The following AHCYL1 variants were observed in gnomAD, a reference collection of about 807,000 sequenced individuals.
AHCYL1 encodes S-adenosylhomocysteine hydrolase-like protein 1.
AHCYL1 carries 20 observed loss-of-function variants against 79.3 expected under a neutral mutation model. The observed-to-expected ratio is 0.25, with a 90% CI of 0.18 to 0.37. AHCYL1 has a LOEUF of 0.37. Among genes scored for constraint, AHCYL1 ranks in the 10% least tolerant of loss-of-function variants. The pLI is 1.00. For missense variants in AHCYL1, 330 were observed against 673.6 expected, an observed-to-expected ratio of 0.49 and a Z score of 5.65; for synonymous variants, 223 against 242.2, an observed-to-expected ratio of 0.92 and a Z score of 0.74.
chr1:109,998,116 C>T (rs2101704028), intron 1 of AHCYL1, among the ~76,000 whole-genome samples: 1 of 152,316 alleles, frequency 6.6e-6, no homozygotes, highest in Middle Eastern at 3.4e-3. Context: ...TGCATTAAAG[C>T]TGAGGCTGCC....
intron 4 of AHCYL1, 99 bp from the exon 5 acceptor site, chr1:110,012,798 G>T: frequency 1.2e-6 from 1 of 830,442 alleles, no homozygotes; most frequent in Non-Finnish European, 1.8e-6. Context: ...AGCACCTGTT[G>T]GTGCAGAGTT....
intron 1 of AHCYL1, among the ~76,000 whole-genome samples, chr1:109,994,162 C>T (rs1649903875): frequency 6.6e-6 from 1 of 152,188 alleles, no homozygotes; most frequent in South Asian, 2.1e-4. Context: ...AGCTCAGGCT[C>T]TAGTTGGCAC....
At chr1:109,987,049 A>G (rs1649505912) in intron 1 of AHCYL1, among the ~76,000 whole-genome samples, 1 of 152,162 alleles carries the variant, frequency 6.6e-6, no homozygotes, top group Non-Finnish European at 1.5e-5. Context: ...TTAAGTTTCC[A>G]TTTACCAGTA....
chr1:109,994,565 A>C (rs1649930482), intron 1 of AHCYL1, among the ~76,000 whole-genome samples: 1 of 152,234 alleles, frequency 6.6e-6, no homozygotes, highest in Non-Finnish European at 1.5e-5. Context: ...TTGGGATTAC[A>C]GGCATGAGCC....
rs442976 is a variant in AHCYL1 at position 110,022,687 on chromosome 1, G to T, written c.*1007G>T. 1 of 152,600 alleles carries T rather than the reference G, an allele frequency of 6.6e-6. No homozygotes were observed. Among genetic ancestry groups the T allele is most frequent in the Admixed American group, 6.5e-5 (1 of 15,280 alleles). 9.5% of individuals were successfully genotyped at this position (152,600 alleles called of 1,614,324 possible). A position where few individuals can be genotyped will look rare whatever the true frequency, so the allele number is the denominator to read the frequency against. On this transcript the variant is annotated 3_prime_UTR_variant, in exon 17 of 17. Transcript: ENST00000369799. ...TTCTATCTTTAGGATTTATCTTTAA[G>T]AGCAAATTTCTGGTCAGCTGTGCTT...
intron 15 of AHCYL1, 107 bp from the exon 16 acceptor site, chr1:110,020,624 C>A: frequency 7.3e-7 from 1 of 1,366,820 alleles, no homozygotes; most frequent in Non-Finnish European, 9.9e-7. Context: ...AGAGTTATTC[C>A]ATCCCTTGTC....
chr1:110,004,137 G>A, intron 1 of AHCYL1: 2 of 985,496 alleles, frequency 2.0e-6, no homozygotes, highest in East Asian at 1.1e-4. Flanking sequence ...TATTGCTTCT[G>A]ACTGTGGAAT....
At chr1:109,988,213 G>T (rs1048791117) in intron 1 of AHCYL1, among the ~76,000 whole-genome samples, 1 of 151,552 alleles carries the variant, frequency 6.6e-6, no homozygotes, top group Non-Finnish European at 1.5e-5. Context: ...TCAAGGGGAC[G>T]ACTTTTCCTG....
At chr1:110,020,417 A>T (rs1192099082) in intron 15 of AHCYL1, among the ~76,000 whole-genome samples, 1 of 152,106 alleles carries the variant, frequency 6.6e-6, no homozygotes, top group Non-Finnish European at 1.5e-5. Flanking sequence ...GTAGCATGTG[A>T]CATGTGGGCC....
intron 1 of AHCYL1, among the ~76,000 whole-genome samples, chr1:110,003,285 C>A (rs1034941489): frequency 6.6e-6 from 1 of 151,960 alleles, no homozygotes; most frequent in African/African-American, 2.4e-5. Flanking sequence ...TGGTAATGTT[C>A]ATGTTTGCAA....
Position 110,012,438 on chromosome 1 carries a change from T to C in AHCYL1, c.453T>C (p.Cys151=). 1.2e-6 allele frequency: 2 copies of C among 1,612,618 alleles called. No homozygotes were observed. The highest frequency in any genetic ancestry group is 8.5e-7 in the Non-Finnish European group (1 of 1,179,370). The change falls in exon 4 of 17, where the codon TGT becomes TGC. Residue 151 remains cysteine, a synonymous_variant. Transcript: ENST00000369799. The part of the protein sequence containing the change: ...KPLAGAKIVG[C]THITAQTAVL... ...TGGCTGGTGCTAAAATAGTGGGCTG[T>C]ACACACATCACAGCCCAGACAGCGG...
chr1:109,997,556 C>T (rs1052259284), intron 1 of AHCYL1, among the ~76,000 whole-genome samples: 2 of 152,084 alleles, frequency 1.3e-5, no homozygotes, highest in African/African-American at 4.8e-5. Context: ...GGATAAAAAG[C>T]GGGACGGCAG....
chr1:110,021,542 C>G (rs907634286), intron 16 of AHCYL1, 132 bp from the exon 17 acceptor site: 2 of 739,428 alleles, frequency 2.7e-6, no homozygotes, highest in South Asian at 3.8e-5. Flanking sequence ...AGACTGGTGC[C>G]CTGGGGAATG....
Position 110,017,942 on chromosome 1 carries a change from C to A in AHCYL1, c.1053-4C>A. On this transcript the variant is annotated splice_region_variant and splice_polypyrimidine_tract_variant and intron_variant, in intron 10 of 16. Coordinates refer to ENST00000369799, the MANE Select transcript of AHCYL1 (RefSeq NM_006621.7). ...ACTCATAGTGTTCCTTTCTTTTCTT[C>A]CAGCATGGATGGGTTCAGGGTGGTA... 6.2e-7 allele frequency: 1 copy of A among 1,614,090 alleles called. No individual in the cohort carries two copies. The highest frequency in any genetic ancestry group is 8.5e-7 in the Non-Finnish European group (1 of 1,179,948).
chr1:110,014,917 A>G (rs1651307226), intron 6 of AHCYL1, 60 bp downstream of exon 6: 1 of 1,480,910 alleles, frequency 6.8e-7, no homozygotes, highest in Non-Finnish European at 9.4e-7. Context: ...TTTTCCCTCA[A>G]AGCATGGTTC....
Position 109,984,923 on chromosome 1 carries a change from G to T in AHCYL1, c.-130G>T. 1.5e-6 allele frequency: 2 copies of T among 1,307,728 alleles called. No individual in the cohort carries two copies. The highest frequency in any genetic ancestry group is 3.3e-5 in the East Asian group (1 of 30,508). 81.0% of individuals were successfully genotyped at this position (1,307,728 alleles called of 1,614,324 possible). A position where few individuals can be genotyped will look rare whatever the true frequency, so the allele number is the denominator to read the frequency against. On this transcript the variant is annotated 5_prime_UTR_variant, in exon 1 of 17. Transcript: ENST00000369799. ...CCACAGCACCTCAGAAGCCGACGCA[G>T]CTCGACGCAGGGGCCGGCAGGAGGG...
intron 1 of AHCYL1, chr1:109,985,391 C>A (rs773318325): frequency 7.0e-6 from 9 of 1,285,206 alleles, no homozygotes; most frequent in Non-Finnish European, 8.9e-6. Context: ...CCTCCGGGAT[C>A]GTTTTGAAAC....
At chr1:110,020,404 G>A (rs992482824) in intron 15 of AHCYL1, among the ~76,000 whole-genome samples, 5 of 152,136 alleles carry the variant, frequency 3.3e-5, no homozygotes, top group African/African-American at 9.7e-5. Flanking sequence ...CAGGAAGGTA[G>A]GAGTAGCATG....
At chr1:109,996,101 G>A (rs1297380868) in intron 1 of AHCYL1, among the ~76,000 whole-genome samples, 1 of 152,190 alleles carries the variant, frequency 6.6e-6, no homozygotes, top group Non-Finnish European at 1.5e-5. Context: ...CAGCTACACA[G>A]AAGGCTGAGG....
Sources: gnomAD v4.1 joint callset for allele counts (sites outside exome capture counted in the v4.1 genomes callset) on GRCh38, gnomAD v4.1.1 for gene constraint, MANE v1.5 for transcripts, NCBI Gene and HGNC (gene_info 2026-07-23, HGNC 2026-07-21) for gene names.